KCNMA1: variants seen among roughly 807,000 people sequenced by gnomAD.
KCNMA1 encodes the protein potassium calcium-activated channel subfamily M alpha 1.
A neutral mutation model predicts 140.0 loss-of-function variants in KCNMA1; 29 were observed. The observed-to-expected ratio is 0.21, with a 90% CI of 0.15 to 0.28. KCNMA1 has a LOEUF of 0.28. Ranked by LOEUF, KCNMA1 falls within the 10% of genes least tolerant of loss-of-function variation. KCNMA1 has a pLI of 1.00. For missense variants in KCNMA1, 880 were observed against 1,602.2 expected (o/e 0.55, Z 7.70); for synonymous variants, 612 against 611.9 (o/e 1.00, Z 0.00).
intron 10 of KCNMA1, 57 bp downstream of exon 10, chr10:77,090,343 G>GTCCC (rs1367724660): frequency 7.1e-6 from 8 of 1,130,252 alleles, no homozygotes; most frequent in African/African-American, 3.1e-5. Flanking sequence ...CATTCAGGGA[G>GTCCC]TCCCTCGCAG....
chr10:77,055,553 A>C (rs1322862686), intron 14 of KCNMA1, among the ~76,000 whole-genome samples: 1 of 146,098 alleles, frequency 6.8e-6, no homozygotes, highest in Non-Finnish European at 1.5e-5. Flanking sequence ...CCCCAACACC[A>C]AGCCATCTAG....
intron 1 of KCNMA1, among the ~76,000 whole-genome samples, chr10:77,518,813 G>A (rs543537748): frequency 1.3e-5 from 2 of 152,282 alleles, no homozygotes; most frequent in South Asian, 4.1e-4. Flanking sequence ...AAAGACAATA[G>A]GTCTATGTTC....
At chr10:77,244,058 A>G (rs1255038710) in intron 3 of KCNMA1, among the ~76,000 whole-genome samples, 1 of 152,192 alleles carries the variant, frequency 6.6e-6, no homozygotes, top group African/African-American at 2.4e-5. Context: ...TAAAAAGACA[A>G]TATATACTTT....
intron 3 of KCNMA1, among the ~76,000 whole-genome samples, chr10:77,244,425 C>T (rs919637444): frequency 2.0e-5 from 3 of 152,200 alleles, no homozygotes; most frequent in African/African-American, 4.8e-5. Context: ...TCCCTTAATG[C>T]TTCTAGATGC....
intron 1 of KCNMA1, among the ~76,000 whole-genome samples, chr10:77,456,659 T>A (rs1043041867): frequency 6.6e-5 from 10 of 152,164 alleles, no homozygotes; most frequent in Non-Finnish European, 8.8e-5. Context: ...TCTGCCTGCA[T>A]CGAGCACTAT....
At chr10:77,304,321 T>C (rs903880819) in intron 2 of KCNMA1, 1 of 152,230 alleles carries the variant, frequency 6.6e-6, no homozygotes, top group Non-Finnish European at 1.5e-5. Context: ...CCAATAAGTG[T>C]GTCTTAGAGA....
intron 2 of KCNMA1, among the ~76,000 whole-genome samples, chr10:77,382,109 G>GCACT (rs2095410225): frequency 6.6e-6 from 1 of 152,068 alleles, no homozygotes; most frequent in Non-Finnish European, 1.5e-5. Flanking sequence ...CATCCATCAG[G>GCACT]CACTCATCAG....
chr10:77,489,889 G>A (rs1284756919), intron 1 of KCNMA1, among the ~76,000 whole-genome samples: 1 of 152,204 alleles, frequency 6.6e-6, no homozygotes. Flanking sequence ...CCCAGCTCTG[G>A]TGCAGCTGTG....
In KCNMA1 at chr10:77,227,779, G is replaced by A. The variant is rs138351128; in HGVS notation, c.602+23416C>T. 2.4e-4 allele frequency among the ~76,000 whole-genome samples: 31 copies of A among 129,586 alleles called. 1 individual carries two copies. In the East Asian group the frequency reaches 0.01, roughly 43 times the overall value. The allele number at this position is 129,586 out of a possible 152,430, so 85.0% of individuals were successfully genotyped here. On this transcript the variant is annotated intron_variant, in intron 3 of 27. Transcript: ENST00000286628. ...AATGGCTAATTTCTATTAGCCATTT[G>A]GGAGTACTTCTGCCACTTCCCAGCT... is the stretch of plus-strand genomic sequence containing the variant.
chr10:77,130,501 T>C (rs1214186972), intron 5 of KCNMA1, among the ~76,000 whole-genome samples: 2 of 152,194 alleles, frequency 1.3e-5, no homozygotes, highest in African/African-American at 4.8e-5. Flanking sequence ...AGCATCTGTA[T>C]TCTAATATCA....
intron 18 of KCNMA1, among the ~76,000 whole-genome samples, chr10:77,008,453 G>A (rs887914594): frequency 3.9e-5 from 6 of 152,110 alleles, no homozygotes; most frequent in African/African-American, 1.4e-4. Flanking sequence ...CTTGCTCCTC[G>A]GCCAGACAGC....
At chr10:77,446,524 C>T (rs1018459041) in intron 1 of KCNMA1, among the ~76,000 whole-genome samples, 5 of 152,326 alleles carry the variant, frequency 3.3e-5, no homozygotes, top group Non-Finnish European at 2.9e-5. Context: ...CCCGGTCAGC[C>T]GCCCTAGAAG....
At chr10:76,921,365 T>C (rs1012424530) in intron 23 of KCNMA1, among the ~76,000 whole-genome samples, 3 of 152,158 alleles carry the variant, frequency 2.0e-5, no homozygotes, top group African/African-American at 7.2e-5. Context: ...ATGAATTAAA[T>C]TTCCTGTTAA....
At chr10:77,306,853 G>T (rs1323782742) in intron 2 of KCNMA1, among the ~76,000 whole-genome samples, 1 of 152,218 alleles carries the variant, frequency 6.6e-6, no homozygotes, top group Non-Finnish European at 1.5e-5. Context: ...AAAGGGCAGG[G>T]CATTTAGGAG....
intron 19 of KCNMA1, among the ~76,000 whole-genome samples, chr10:76,991,448 T>C (rs967172693): frequency 6.6e-6 from 1 of 152,236 alleles, no homozygotes. Flanking sequence ...AGTCATGTCC[T>C]TGTTCTTTCT....
chr10:77,030,690 T>C (rs1332490932), intron 15 of KCNMA1, among the ~76,000 whole-genome samples: 2 of 152,148 alleles, frequency 1.3e-5, no homozygotes, highest in African/African-American at 2.4e-5. Flanking sequence ...CAACTGGATA[T>C]AAAAAGAAAA....
At chr10:77,548,152 C>G (rs2061886518) in intron 1 of KCNMA1, among the ~76,000 whole-genome samples, 1 of 152,014 alleles carries the variant, frequency 6.6e-6, no homozygotes, top group Non-Finnish European at 1.5e-5. Flanking sequence ...AAAAAATGGC[C>G]CCTGAGTTTC....
chr10:77,526,129 G>A (rs146176823), intron 1 of KCNMA1, among the ~76,000 whole-genome samples: 1 of 152,298 alleles, frequency 6.6e-6, no homozygotes, highest in Non-Finnish European at 1.5e-5. Flanking sequence ...AGAGAAATCA[G>A]ACTTGGTATA....
In KCNMA1 at chr10:77,184,824, C is replaced by A. The variant is rs1397923519; in HGVS notation, c.695G>T (p.Arg232Leu). The A allele has an allele frequency of 1.3e-6, 2 of 1,596,860 alleles. No individual in the cohort carries two copies. Among genetic ancestry groups the A allele is most frequent in the Non-Finnish European group, 1.7e-6 (2 of 1,164,844 alleles). Reference sequence around the variant, plus strand: ...CTGAACAATGTTGCACAAACTTACCCGCAAGCCGAAGTAGAGAAGGAAGAA... The same window carrying A: ...CTGAACAATGTTGCACAAACTTACCAGCAAGCCGAAGTAGAGAAGGAAGAA... ...NVFFLLYFGL[R>L]FIAANDKLWF... is the part of the protein sequence containing the mutation. Residue 232 changes from arginine (R) to leucine (L), a missense_variant and splice_region_variant, in exon 4 of 28, where the codon CGG (arginine) becomes CTG (leucine). Transcript: ENST00000286628.
Sources: gnomAD v4.1 joint callset for allele counts (sites outside exome capture counted in the v4.1 genomes callset) on GRCh38, gnomAD v4.1.1 for gene constraint, MANE v1.5 for transcripts, NCBI Gene and HGNC (gene_info 2026-07-23, HGNC 2026-07-21) for gene names.